Variants in HCN1 observed in about 807,000 individuals in gnomAD.
The protein encoded by HCN1 is potassium/sodium hyperpolarization-activated cyclic nucleotide-gated channel 1.
In HCN1, 13 loss-of-function variants were observed where a neutral mutation model predicts 78.9. The ratio of observed to expected loss-of-function variants is 0.16; its 90% CI spans 0.11 to 0.26. HCN1 has a LOEUF of 0.26. Among genes scored for constraint, HCN1 ranks in the 10% least tolerant of loss-of-function variants. HCN1 has a pLI of 1.00. For missense variants in HCN1, 810 were observed against 1,154.3 expected, an observed-to-expected ratio of 0.70 and a Z score of 4.32; for synonymous variants, 552 against 455.5, an observed-to-expected ratio of 1.21 and a Z score of -2.70.
chr5:45,545,665 T>C (rs960907514), intron 2 of HCN1, among the ~76,000 whole-genome samples: 1 of 152,216 alleles, frequency 6.6e-6, no homozygotes, highest in Non-Finnish European at 1.5e-5. Context: ...TTTCTACATA[T>C]GGCTAGCCAG....
chr5:45,625,390 A>G (rs1196667027), intron 2 of HCN1, among the ~76,000 whole-genome samples: 1 of 152,142 alleles, frequency 6.6e-6, no homozygotes. Flanking sequence ...CATTTCCTAG[A>G]GTATTTGCAA....
At chr5:45,622,609 G>A (rs1745090810) in intron 2 of HCN1, among the ~76,000 whole-genome samples, 1 of 151,906 alleles carries the variant, frequency 6.6e-6, no homozygotes, top group Non-Finnish European at 1.5e-5. Flanking sequence ...GAAAGGATGA[G>A]CTGCAAGGAA....
At chr5:45,665,641 A>G (rs1024319483) in intron 1 of HCN1, among the ~76,000 whole-genome samples, 1 of 152,100 alleles carries the variant, frequency 6.6e-6, no homozygotes, top group African/African-American at 2.4e-5. Flanking sequence ...AATGGATCTT[A>G]TAAATGCATC....
intron 2 of HCN1, among the ~76,000 whole-genome samples, chr5:45,471,222 C>A (rs762216118): frequency 6.6e-6 from 1 of 151,766 alleles, no homozygotes; most frequent in Non-Finnish European, 1.5e-5. Context: ...AAAATCTATG[C>A]GTGTGTTCAA....
At chr5:45,413,615 G>C (rs1740065493) in intron 3 of HCN1, among the ~76,000 whole-genome samples, 1 of 151,978 alleles carries the variant, frequency 6.6e-6, no homozygotes, top group Admixed American at 6.6e-5. Context: ...CAAAATTTAG[G>C]TTGAAAACTT....
intron 2 of HCN1, among the ~76,000 whole-genome samples, chr5:45,481,878 C>G (rs1424438670): frequency 6.6e-6 from 1 of 152,044 alleles, no homozygotes; most frequent in South Asian, 2.1e-4. Context: ...TACTCTCAGT[C>G]TCTGTTTTCC....
intron 2 of HCN1, among the ~76,000 whole-genome samples, chr5:45,633,956 T>C (rs1300163037): frequency 2.0e-5 from 3 of 151,946 alleles, no homozygotes; most frequent in African/African-American, 7.2e-5. Flanking sequence ...TATGAAATAA[T>C]GATTCAACTA....
At chr5:45,320,053 C>A (rs1746091625) in intron 5 of HCN1, among the ~76,000 whole-genome samples, 1 of 151,786 alleles carries the variant, frequency 6.6e-6, no homozygotes. Context: ...ACAAATGAAT[C>A]ATAGAGTAAT....
Position 45,512,541 on chromosome 5 carries a change from A to G in HCN1, c.850-50534T>C, listed in dbSNP as rs150113338. Among the ~76,000 whole-genome samples, 697 of 152,258 alleles carry G rather than the reference A, an allele frequency of 4.6e-3. 4 individuals are homozygous for G. The highest frequency in any genetic ancestry group is 0.015 in the African/African-American group (620 of 41,568). ...AGTCAATAATTTAAATATAGATTAC[A>G]TAATCTACTTTTTTCTAAGAAAATA... On this transcript the variant is annotated intron_variant, in intron 2 of 7. Coordinates refer to ENST00000303230, the MANE Select transcript of HCN1 (RefSeq NM_021072.4).
intron 2 of HCN1, among the ~76,000 whole-genome samples, chr5:45,581,115 T>A (rs1162934629): frequency 6.6e-5 from 10 of 152,224 alleles, no homozygotes; most frequent in Non-Finnish European, 1.5e-4. Flanking sequence ...ATCGCCACAC[T>A]GACTTCCACA....
intron 2 of HCN1, among the ~76,000 whole-genome samples, chr5:45,506,867 C>G (rs1490608506): frequency 6.6e-6 from 1 of 152,048 alleles, no homozygotes; most frequent in African/African-American, 2.4e-5. Context: ...AAAGAAACAT[C>G]ATTAATATAT....
intron 2 of HCN1, among the ~76,000 whole-genome samples, chr5:45,476,113 A>G (rs1313580282): frequency 6.6e-6 from 1 of 152,164 alleles, no homozygotes; most frequent in African/African-American, 2.4e-5. Context: ...GTTTCCATAG[A>G]TGTGGTCAAT....
At chr5:45,342,717 T>TA (rs1438330217) in intron 5 of HCN1, among the ~76,000 whole-genome samples, 4 of 152,260 alleles carry the variant, frequency 2.6e-5, no homozygotes, top group South Asian at 2.1e-4. Flanking sequence ...TCAAAAAATA[T>TA]AAAAAACTTT....
chr5:45,546,505 T>C (rs1161196202), intron 2 of HCN1, among the ~76,000 whole-genome samples: 4 of 151,932 alleles, frequency 2.6e-5, no homozygotes, highest in African/African-American at 9.7e-5. Context: ...CTAAAACTTA[T>C]CTGTCTTTCT....
At chr5:45,577,523 T>C (rs1320233800) in intron 2 of HCN1, among the ~76,000 whole-genome samples, 1 of 152,106 alleles carries the variant, frequency 6.6e-6, no homozygotes, top group Non-Finnish European at 1.5e-5. Flanking sequence ...AATATAAAAT[T>C]ATAGGCCTAG....
At chr5:45,343,851 A>C (rs1038678339) in intron 5 of HCN1, among the ~76,000 whole-genome samples, 1 of 151,988 alleles carries the variant, frequency 6.6e-6, no homozygotes, top group South Asian at 2.1e-4. Flanking sequence ...AAGCCAAAAA[A>C]AAATTAAAAA....
intron 1 of HCN1, among the ~76,000 whole-genome samples, chr5:45,688,286 T>C (rs1177705950): frequency 5.9e-5 from 9 of 152,150 alleles, no homozygotes; most frequent in South Asian, 2.1e-4. Flanking sequence ...TTTCTTATTA[T>C]GTAAAAGAGT....
At chr5:45,630,064 T>C (rs1439645036) in intron 2 of HCN1, among the ~76,000 whole-genome samples, 2 of 151,658 alleles carry the variant, frequency 1.3e-5, no homozygotes, top group Non-Finnish European at 2.9e-5. Context: ...CCTAAAAGAG[T>C]GTCTATCAGC....
chr5:45,470,786 C>A (rs968687821), intron 2 of HCN1, among the ~76,000 whole-genome samples: 2 of 151,946 alleles, frequency 1.3e-5, no homozygotes, highest in Non-Finnish European at 2.9e-5. Context: ...GGGTTCACCA[C>A]GGCTTATGAC....
Sources: gnomAD v4.1 joint callset for allele counts (sites outside exome capture counted in the v4.1 genomes callset) on GRCh38, gnomAD v4.1.1 for gene constraint, MANE v1.5 for transcripts, NCBI Gene and HGNC (gene_info 2026-07-23, HGNC 2026-07-21) for gene names.